PPP1R9A: variants seen among roughly 807,000 people sequenced by gnomAD.
PPP1R9A encodes the protein protein phosphatase 1 regulatory subunit 9A.
A neutral mutation model predicts 141.9 loss-of-function variants in PPP1R9A; 59 were observed. The ratio of observed to expected loss-of-function variants is 0.42; its 90% CI spans 0.34 to 0.52. PPP1R9A has a LOEUF of 0.52. Among genes scored for constraint, PPP1R9A ranks in the 20% least tolerant of loss-of-function variants. The pLI, the probability that PPP1R9A is intolerant of heterozygous loss-of-function variation, is 0.10. For missense variants in PPP1R9A, 1,444 were observed against 1,611.9 expected (o/e 0.90, Z 1.78); for synonymous variants, 500 against 569.7 (o/e 0.88, Z 1.74).
chr7:95,132,772 C>G (rs1824901214), intron 4 of PPP1R9A, among the ~76,000 whole-genome samples: 1 of 152,154 alleles, frequency 6.6e-6, no homozygotes, highest in Non-Finnish European at 1.5e-5. Context: ...TAGTCTATGG[C>G]TGGGCTGGGT....
intron 4 of PPP1R9A, among the ~76,000 whole-genome samples, chr7:95,146,917 A>G (rs1827733106): frequency 6.6e-6 from 1 of 152,106 alleles, no homozygotes; most frequent in Non-Finnish European, 1.5e-5. Context: ...GTATAATTTG[A>G]AGTCAGGTAA....
At position 94,909,968 on chromosome 7, in the gene PPP1R9A, C is replaced by T. The variant is rs751421600; in HGVS notation, c.-146C>T. On this transcript the variant is annotated 5_prime_UTR_variant, in exon 2 of 20. Transcript: ENST00000433360. ...TGACTGTGACTAAGTTCCTAATACA[C>T]CTGTTGGGACGATCACTGACACCGT... 141 of 647,358 alleles carry T rather than the reference C, an allele frequency of 2.2e-4. No individual in the cohort carries two copies. The highest frequency in any genetic ancestry group is 9.2e-5 in the Non-Finnish European group (35 of 379,486). 40.1% of individuals were successfully genotyped at this position (647,358 alleles called of 1,614,324 possible). A position where few individuals can be genotyped will look rare whatever the true frequency, so the allele number is the denominator to read the frequency against.
At chr7:95,250,586 G>A (rs534974489) in intron 10 of PPP1R9A, among the ~76,000 whole-genome samples, 41 of 152,230 alleles carry the variant, frequency 2.7e-4, no homozygotes, top group Non-Finnish European at 3.7e-4. Flanking sequence ...GAAGCCCAGC[G>A]GAAAGTCATG....
intron 6 of PPP1R9A, among the ~76,000 whole-genome samples, chr7:95,202,212 A>G (rs531775425): frequency 1.3e-5 from 2 of 152,292 alleles, no homozygotes. Context: ...AGCTATGTAG[A>G]TAATTTTCAA....
rs558475275 is a variant in PPP1R9A, at chr7:94,971,059, G to A, written c.1395+59551G>A. Among the ~76,000 whole-genome samples the A allele has an allele frequency of 2.6e-5, 4 of 152,216 alleles. No homozygotes were observed. In the South Asian group the frequency reaches 8.3e-4, roughly 32 times the overall value. ...TTGTGTAAGAACTTGGGGATAGTCT[G>A]TCTTCAGATGAGCTCAGAGTCTAGT... On this transcript the variant is annotated intron_variant, in intron 2 of 19. Coordinates refer to ENST00000433360, the MANE Select transcript of PPP1R9A (RefSeq NM_001166160.2).
At chr7:95,204,764 A>G (rs1318981481) in intron 7 of PPP1R9A, among the ~76,000 whole-genome samples, 1 of 129,408 alleles carries the variant, frequency 7.7e-6, no homozygotes, top group Non-Finnish European at 1.6e-5. Context: ...ACATACCCAC[A>G]AACACCACAC....
At chr7:94,936,245 CT>C (rs1216789074) in intron 2 of PPP1R9A, among the ~76,000 whole-genome samples, 1 of 152,096 alleles carries the variant, frequency 6.6e-6, no homozygotes, top group African/African-American at 2.4e-5. Flanking sequence ...CCAGTTTCCT[CT>C]TCTCTAAATT....
In PPP1R9A at chr7:95,290,247, T is replaced by G. The variant is rs1386239464; in HGVS notation, c.4069T>G (p.Ser1357Ala). The change falls in exon 20 of 20, where the codon TCC (serine) becomes GCC (alanine). Residue 1357 changes from serine to alanine, a missense_variant. Ser to Ala is a moderately conservative substitution (Grantham distance 99). Transcript: ENST00000433360. Reference sequence around the variant, plus strand: ...GGAGCAAGAGCAAATGCAGAGGAAGTCCAAAAAGACAGAAAAGATGACGTC... The same window carrying G: ...GGAGCAAGAGCAAATGCAGAGGAAGGCCAAAAAGACAGAAAAGATGACGTC... ...RKEQEQMQRK[S>A]KKTEKMTSTT... is the part of the protein sequence containing the mutation. 2 of 1,612,918 alleles carry G rather than the reference T, an allele frequency of 1.2e-6. No individual in the cohort carries two copies. The highest frequency in any genetic ancestry group is 2.2e-5 in the South Asian group (2 of 90,914).
chr7:95,017,687 C>A (rs1805300299), intron 2 of PPP1R9A, among the ~76,000 whole-genome samples: 2 of 152,106 alleles, frequency 1.3e-5, no homozygotes, highest in Non-Finnish European at 1.5e-5. Context: ...GAGGACTTAT[C>A]CTACCTGATT....
chr7:94,998,797 C>T (rs1428831196), intron 2 of PPP1R9A, among the ~76,000 whole-genome samples: 7 of 152,174 alleles, frequency 4.6e-5, no homozygotes, highest in Admixed American at 3.9e-4. Context: ...CAGAATCTTA[C>T]TCTGTCACCC....
rs377763271 is a variant in PPP1R9A at position 94,914,325 on chromosome 7, A to G, written c.1395+2817A>G. Among the ~76,000 whole-genome samples, 3 of 152,284 alleles carry G rather than the reference A, an allele frequency of 2.0e-5. No individual in the cohort carries two copies. In the East Asian group the frequency reaches 5.8e-4, roughly 29 times the overall value. ...CAGTGACTACTTCAGTTCTTTTTAT[A>G]GATGTTTTACATAGATATTTCCATA... On this transcript the variant is annotated intron_variant, in intron 2 of 19. Coordinates refer to ENST00000433360, the MANE Select transcript of PPP1R9A (RefSeq NM_001166160.2).
chr7:94,936,260 A>G (rs116926014), intron 2 of PPP1R9A, among the ~76,000 whole-genome samples: 332 of 152,236 alleles, frequency 2.2e-3, no homozygotes, highest in Non-Finnish European at 4.0e-3. Flanking sequence ...CTAAATTGAA[A>G]AGGTTCTATT....
At chr7:95,258,774 TCAAACAATTGG>T (rs1799989884) in intron 12 of PPP1R9A, among the ~76,000 whole-genome samples, 1 of 151,886 alleles carries the variant, frequency 6.6e-6, no homozygotes, top group African/African-American at 2.4e-5. Flanking sequence ...CTGGCAAAAA[TCAAACAATTGG>T]CAAAGATAAA....
At chr7:95,258,184 T>A in intron 12 of PPP1R9A, among the ~76,000 whole-genome samples, 1 of 152,082 alleles carries the variant, frequency 6.6e-6, no homozygotes, top group Non-Finnish European at 1.5e-5. Context: ...ACCTGTTGTT[T>A]CCTGACTTTT....
intron 7 of PPP1R9A, among the ~76,000 whole-genome samples, chr7:95,209,024 A>C (rs968839482): frequency 2.6e-5 from 4 of 151,300 alleles, no homozygotes; most frequent in African/African-American, 9.7e-5. Context: ...TAAGCAACTG[A>C]AATGGAATCA....
At chr7:95,277,028 G>A (rs1803336465) in intron 16 of PPP1R9A, among the ~76,000 whole-genome samples, 1 of 152,202 alleles carries the variant, frequency 6.6e-6, no homozygotes, top group African/African-American at 2.4e-5. Context: ...CACTATGATT[G>A]TAGTGGGCAA....
chr7:94,921,145 T>C (rs1792747463), intron 2 of PPP1R9A, among the ~76,000 whole-genome samples: 1 of 152,170 alleles, frequency 6.6e-6, no homozygotes, highest in East Asian at 1.9e-4. Context: ...TATTGGTTAG[T>C]TTTTAAGATC....
intron 18 of PPP1R9A, 142 bp from the exon 19 acceptor site, chr7:95,288,394 A>T: frequency 8.4e-7 from 1 of 1,184,706 alleles, no homozygotes; most frequent in South Asian, 2.5e-5. Context: ...ATTTTTTCTA[A>T]CACCACTAGA....
intron 2 of PPP1R9A, among the ~76,000 whole-genome samples, chr7:94,989,593 A>T (rs1326515098): frequency 6.6e-6 from 1 of 151,966 alleles, no homozygotes. Flanking sequence ...ATATTTTTTC[A>T]TCTTGAGTGC....
Sources: gnomAD v4.1 joint callset for allele counts (sites outside exome capture counted in the v4.1 genomes callset) on GRCh38, gnomAD v4.1.1 for gene constraint, MANE v1.5 for transcripts, NCBI Gene and HGNC (gene_info 2026-07-23, HGNC 2026-07-21) for gene names.